Variants in MAGI1 observed in about 807,000 individuals in gnomAD.
The protein encoded by MAGI1 is membrane associated guanylate kinase, WW and PDZ domain containing 1, also known as membrane-associated guanylate kinase, WW and PDZ domain-containing protein 1.
Under a neutral mutation model 139.9 loss-of-function variants are expected in MAGI1, and 58 were observed. The observed-to-expected ratio is 0.41, with a 90% CI of 0.34 to 0.52. The LOEUF (loss-of-function observed/expected upper bound fraction) is 0.52, where lower values mean the gene tolerates loss of function less well. MAGI1 is among the 20% of genes least tolerant of loss of function. The pLI is 0.12. For missense variants in MAGI1, 1,874 were observed against 1,901.6 expected, an observed-to-expected ratio of 0.99 and a Z score of 0.27; for synonymous variants, 812 against 737.9, an observed-to-expected ratio of 1.10 and a Z score of -1.63.
chr3:65,768,528 T>C (rs1577055211), intron 1 of MAGI1, among the ~76,000 whole-genome samples: 2 of 152,342 alleles, frequency 1.3e-5, no homozygotes, highest in East Asian at 3.9e-4. Flanking sequence ...ATTGTTTGGC[T>C]TCACTAAAGT....
chr3:65,608,609 T>C (rs973755166), intron 2 of MAGI1, among the ~76,000 whole-genome samples: 22 of 151,954 alleles, frequency 1.4e-4, no homozygotes, highest in Admixed American at 1.2e-3. Context: ...CACCAAGATA[T>C]GCAAAAATTT....
chr3:65,457,019 T>C (rs1358831829), intron 5 of MAGI1, among the ~76,000 whole-genome samples: 1 of 152,182 alleles, frequency 6.6e-6, no homozygotes, highest in Non-Finnish European at 1.5e-5. Context: ...GTAATTGTTT[T>C]AGCTATTCTC....
intron 1 of MAGI1, among the ~76,000 whole-genome samples, chr3:65,988,029 A>T (rs1043576325): frequency 2.6e-5 from 4 of 152,264 alleles, no homozygotes; most frequent in African/African-American, 7.2e-5. Flanking sequence ...GGTTGAAGAT[A>T]TAAGTGTAAG....
chr3:65,430,709 CT>C lies in MAGI1; in HGVS notation c.1535del (p.Lys512ArgfsTer7). On this transcript the variant is annotated frameshift_variant, in exon 11 of 23. Transcript: ENST00000402939. LOFTEE classifies it high-confidence loss of function. Reference protein sequence around the residue: ...VLDGPAALDGKMETGDVIVSV... With the variant: ...VLDGPAALDGXMETGDVIVSV... Reference sequence around the variant, plus strand: ...CCATGTTGACGCTACCTGTTTCCATCTTGCCATCCAATGCAGCAGGACCATC... The same window carrying C: ...CCATGTTGACGCTACCTGTTTCCATCTGCCATCCAATGCAGCAGGACCATC... 1.2e-6 allele frequency: 2 copies of C among 1,613,278 alleles called. No homozygotes were observed. Among genetic ancestry groups the C allele is most frequent in the Non-Finnish European group, 1.7e-6 (2 of 1,179,632 alleles).
intron 5 of MAGI1, among the ~76,000 whole-genome samples, chr3:65,467,926 G>A (rs1010791157): frequency 6.6e-6 from 1 of 152,078 alleles, no homozygotes; most frequent in Non-Finnish European, 1.5e-5. Context: ...AAACTCCTCA[G>A]AATAACCACA....
intron 5 of MAGI1, among the ~76,000 whole-genome samples, chr3:65,456,189 T>C (rs1949376740): frequency 6.6e-6 from 1 of 152,216 alleles, no homozygotes. Context: ...TATTTTTTAC[T>C]TTAGCCATCT....
chr3:65,544,643 T>C (rs2079413340), intron 2 of MAGI1, among the ~76,000 whole-genome samples: 1 of 152,110 alleles, frequency 6.6e-6, no homozygotes, highest in Non-Finnish European at 1.5e-5. Flanking sequence ...TGTGGTCTTT[T>C]TTGTGGTTTG....
At position 65,862,123 on chromosome 3, in the gene MAGI1, T is replaced by C. The variant is rs546296311; in HGVS notation, c.313+175873A>G. On this transcript the variant is annotated intron_variant, in intron 1 of 22. Transcript: ENST00000402939. Reference sequence around the variant, plus strand: ...GGTTCTTTTGTTTACCTTCTCTTCTTTATGAATACCCAGAAAGGTAACATT... The same window carrying C: ...GGTTCTTTTGTTTACCTTCTCTTCTCTATGAATACCCAGAAAGGTAACATT... 7.0e-4 allele frequency among the ~76,000 whole-genome samples: 106 copies of C among 152,326 alleles called. 1 individual carries two copies. The highest frequency in any genetic ancestry group is 2.5e-3 in the African/African-American group (102 of 41,570).
chr3:65,407,254 C>A (rs1945412803), intron 12 of MAGI1, among the ~76,000 whole-genome samples: 2 of 151,960 alleles, frequency 1.3e-5, no homozygotes, highest in South Asian at 4.1e-4. Context: ...TGAGACCAGC[C>A]TGGCCAACAT....
chr3:66,025,698 ATGTG>A (rs2068219584), intron 1 of MAGI1, among the ~76,000 whole-genome samples: 1 of 152,020 alleles, frequency 6.6e-6, no homozygotes, highest in African/African-American at 2.4e-5. Context: ...CTGTTTGTGT[ATGTG>A]TGTGTGTCTG....
chr3:65,455,752 T>G (rs957201035), intron 5 of MAGI1, among the ~76,000 whole-genome samples: 3 of 152,068 alleles, frequency 2.0e-5, no homozygotes, highest in Admixed American at 6.6e-5. Flanking sequence ...AAAATAAAAA[T>G]AAAAATAATT....
intron 1 of MAGI1, among the ~76,000 whole-genome samples, chr3:65,938,611 C>CAGAAT (rs1339290850): frequency 1.3e-5 from 2 of 151,932 alleles, no homozygotes; most frequent in African/African-American, 4.8e-5. Flanking sequence ...ATTTAAAGCC[C>CAGAAT]AGAATAAAAT....
chr3:65,844,664 G>A (rs1258448917), intron 1 of MAGI1, among the ~76,000 whole-genome samples: 1 of 152,030 alleles, frequency 6.6e-6, no homozygotes, highest in East Asian at 1.9e-4. Context: ...CAGGAACAGG[G>A]GTCCAGAGAA....
At chr3:65,508,501 T>C (rs1440297136) in intron 2 of MAGI1, among the ~76,000 whole-genome samples, 1 of 152,214 alleles carries the variant, frequency 6.6e-6, no homozygotes, top group Admixed American at 6.5e-5. Flanking sequence ...AGTCTTTAAA[T>C]AGAATCTAAT....
chr3:65,662,791 T>A (rs746741092), intron 1 of MAGI1, among the ~76,000 whole-genome samples: 21 of 152,172 alleles, frequency 1.4e-4, no homozygotes, highest in Non-Finnish European at 3.1e-4. Flanking sequence ...ATACATTAGA[T>A]TTCTAGACTT....
chr3:66,031,382 C>T (rs1206224583), intron 1 of MAGI1, among the ~76,000 whole-genome samples: 1 of 152,156 alleles, frequency 6.6e-6, no homozygotes, highest in African/African-American at 2.4e-5. Flanking sequence ...CTCTTATAAA[C>T]CACTTAATTC....
At chr3:65,503,068 GC>G (rs2077147112) in intron 2 of MAGI1, among the ~76,000 whole-genome samples, 1 of 152,006 alleles carries the variant, frequency 6.6e-6, no homozygotes, top group African/African-American at 2.4e-5. Flanking sequence ...CACATACACT[GC>G]CCCCTCCCCA....
intron 2 of MAGI1, among the ~76,000 whole-genome samples, chr3:65,537,071 G>C (rs1029482736): frequency 1.3e-5 from 2 of 152,116 alleles, no homozygotes; most frequent in Non-Finnish European, 2.9e-5. Context: ...GATTGCACAG[G>C]CTCATAAAAC....
At chr3:65,857,179 T>A (rs1016208676) in intron 1 of MAGI1, among the ~76,000 whole-genome samples, 4 of 149,324 alleles carry the variant, frequency 2.7e-5, no homozygotes, top group Admixed American at 2.0e-4. Flanking sequence ...GTCAGAAGCA[T>A]TTAGAACAGG....
Sources: allele counts gnomAD v4.1 joint callset (sites outside exome capture counted in the v4.1 genomes callset), GRCh38; gene constraint gnomAD v4.1.1; transcripts MANE v1.5; gene names NCBI Gene and HGNC (gene_info 2026-07-23, HGNC 2026-07-21).